Variants in TUT4 observed in about 807,000 individuals in gnomAD.
The protein encoded by TUT4 is terminal uridylyl transferase 4.
In TUT4, 36 loss-of-function variants were observed where a neutral mutation model predicts 192.2. The ratio of observed to expected loss-of-function variants is 0.19; its 90% CI spans 0.14 to 0.25. The LOEUF (loss-of-function observed/expected upper bound fraction) is 0.25. TUT4 is among the 10% of genes least tolerant of loss of function. The pLI, the probability that TUT4 is intolerant of heterozygous loss-of-function variation, is 1.00. For synonymous variants in TUT4, 618 were observed against 666.0 expected (o/e 0.93, Z 1.11); for missense variants, 1,493 against 1,957.2 (o/e 0.76, Z 4.47).
At position 52,520,219 on chromosome 1, in the gene TUT4, A is replaced by G. The variant is rs186787913; in HGVS notation, c.719-4165T>C. Among the ~76,000 whole-genome samples, 4 of 152,314 alleles carry G rather than the reference A, an allele frequency of 2.6e-5. No homozygotes were observed. In the East Asian group the frequency reaches 7.7e-4, roughly 29 times the overall value. ...ACAAATGAGGGCAAGGCAGAGAAAT[A>G]GGGGAGTGTCACAGATCGTGTAAGG... On this transcript the variant is annotated intron_variant, in intron 2 of 29. Transcript: ENST00000257177.
At chr1:52,444,938 TATAC>T (rs1656986426) in intron 24 of TUT4, among the ~76,000 whole-genome samples, 5 of 122,470 alleles carry the variant, frequency 4.1e-5, no homozygotes, top group Non-Finnish European at 4.6e-5. Flanking sequence ...TATATATGTA[TATAC>T]ATGTATGTGT....
chr1:52,475,121 T>A lies in TUT4; in HGVS notation c.2438A>T (p.Asp813Val). The A allele has an allele frequency of 3.7e-6, 6 of 1,614,176 alleles. No homozygotes were observed. The highest frequency in any genetic ancestry group is 4.2e-6 in the Non-Finnish European group (5 of 1,180,026). ...SKSSEIEPKL[D>V]KKQDDLAPSE... ...AGGCGCTAAATCATCTTGTTTCTTA[T>A]CTAATTTTGGCTCTATTTCACTGCT... Residue 813 changes from aspartate (D) to valine (V), a missense_variant, in exon 13 of 30, where the codon GAT becomes GTT. By Grantham distance (152) the Asp-to-Val change is radical. Transcript: ENST00000257177.
At chr1:52,517,039 C>T (rs1460074022) in intron 2 of TUT4, among the ~76,000 whole-genome samples, 1 of 152,244 alleles carries the variant, frequency 6.6e-6, no homozygotes, top group Non-Finnish European at 1.5e-5. Flanking sequence ...AAAGCTGCTT[C>T]AAGTCTCAAT....
At chr1:52,444,217 A>G (rs1399003247) in intron 24 of TUT4, among the ~76,000 whole-genome samples, 1 of 152,172 alleles carries the variant, frequency 6.6e-6, no homozygotes, top group Non-Finnish European at 1.5e-5. Flanking sequence ...CTGGTGACAG[A>G]GCGAGACTCC....
intron 13 of TUT4, among the ~76,000 whole-genome samples, chr1:52,472,737 A>G (rs1666097925): frequency 6.6e-6 from 1 of 152,134 alleles, no homozygotes; most frequent in Admixed American, 6.5e-5. Context: ...ACCATTTTAA[A>G]TGTATTTCAA....
rs568937540 is a variant in TUT4, at chr1:52,525,716, T to C, written c.565A>G (p.Thr189Ala). The part of the protein sequence containing the change: ...QIGKKIPSSF[T>A]SVDKVNIEAV... Reference sequence around the variant, plus strand: ...TCAATATTCACTTTGTCCACAGAAGTAAAGGAGCTTGGAATTTTTTTTCCA... The same window carrying C: ...TCAATATTCACTTTGTCCACAGAAGCAAAGGAGCTTGGAATTTTTTTTCCA... The change falls in exon 2 of 30, where the codon ACT (threonine) becomes GCT (alanine). Residue 189 changes from threonine to alanine, a missense_variant. Transcript: ENST00000257177. 1.9e-6 allele frequency: 3 copies of C among 1,614,048 alleles called. No individual in the cohort carries two copies. Among genetic ancestry groups the C allele is most frequent in the East Asian group, 2.2e-5 (1 of 44,884 alleles).
At chr1:52,439,473 G>A (rs1654853362) in intron 24 of TUT4, among the ~76,000 whole-genome samples, 1 of 152,140 alleles carries the variant, frequency 6.6e-6, no homozygotes, top group African/African-American at 2.4e-5. Flanking sequence ...GCTTAGTTTT[G>A]CACTGTCACG....
chr1:52,528,802 A>T (rs1291779005), intron 1 of TUT4, among the ~76,000 whole-genome samples: 2 of 151,932 alleles, frequency 1.3e-5, no homozygotes, highest in African/African-American at 4.8e-5. Flanking sequence ...GCAGCCTGGA[A>T]CTCCTGGGCT....
chr1:52,516,145 A>C, intron 2 of TUT4, 91 bp from the exon 3 acceptor site: 1 of 997,912 alleles, frequency 1.0e-6, no homozygotes. Context: ...TATACACAGA[A>C]AAAATATTAT....
chr1:52,540,202 G>C (rs1428939734), intron 1 of TUT4, among the ~76,000 whole-genome samples: 10 of 144,934 alleles, frequency 6.9e-5, no homozygotes, highest in African/African-American at 2.1e-4. Context: ...CTGGGTGACA[G>C]AGCGAGACTC....
intron 9 of TUT4, 138 bp downstream of exon 9, chr1:52,488,771 T>C (rs2149057457): frequency 1.1e-6 from 1 of 900,404 alleles, no homozygotes; most frequent in East Asian, 3.1e-5. Flanking sequence ...ACCAACTTTC[T>C]GTCTAGCACA....
chr1:52,426,560 C>CA (rs11434111), intron 28 of TUT4, among the ~76,000 whole-genome samples: 5,588 of 151,522 alleles, frequency 0.037, 366 homozygotes, highest in African/African-American at 0.13. Flanking sequence ...GAGTAGGCAG[C>CA]AAAAAAAACT....
chr1:52,468,626 T>C (rs1664860296), intron 14 of TUT4: 1 of 178,330 alleles, frequency 5.6e-6, no homozygotes, highest in Admixed American at 6.1e-5. Context: ...TGTATTCATG[T>C]TGCTATACTA....
chr1:52,436,869 G>A lies in TUT4; in HGVS notation c.4048C>T (p.Arg1350Ter). The change falls in exon 26 of 30, where the codon CGA becomes TGA. Residue 1350 changes from arginine to a stop codon, truncating the protein, a stop_gained. Coordinates refer to ENST00000257177, the MANE Select transcript of TUT4 (RefSeq NM_001009881.3). LOFTEE classifies it high-confidence loss of function. Reference protein sequence around the residue: ...VLDPRDLHDTRDFRDPRDLRC... With the variant: ...VLDPRDLHDT ...AGGTCTCTCGGGTCTCTAAAGTCTC[G>A]AGTATCGTGGAGGTCTCGGGGGTCA... 6.2e-7 allele frequency: 1 copy of A among 1,613,664 alleles called. No individual in the cohort carries two copies. The highest frequency in any genetic ancestry group is 8.5e-7 in the Non-Finnish European group (1 of 1,179,950).
At chr1:52,441,982 G>GC (rs1655749962) in intron 24 of TUT4, among the ~76,000 whole-genome samples, 1 of 151,776 alleles carries the variant, frequency 6.6e-6, no homozygotes, top group African/African-American at 2.4e-5. Flanking sequence ...AGCCTGGCCA[G>GC]CGTGGTGAAA....
rs748438231 is a variant in TUT4 at position 52,425,406 on chromosome 1, T to C, written c.4813A>G (p.Asn1605Asp). 9.4e-5 allele frequency: 151 copies of C among 1,614,024 alleles called. 3 individuals are homozygous for C. The East Asian group carries it at 3.3e-3, about 35-fold the overall frequency. The change falls in exon 29 of 30, where the codon AAC (asparagine) becomes GAC (aspartate). Residue 1605 changes from asparagine to aspartate, a missense_variant. Asn to Asp is a conservative substitution (Grantham distance 23). Transcript: ENST00000257177. The stretch of plus-strand genomic sequence containing the variant: ...CGGGCATTTCCCTGATGCATGAAGT[T>C]TTGATGCAAACCATAAGGCCACGAA... Reference protein sequence around the residue: ...PASWPYGLHQNFMHQGNARFQ... With the variant: ...PASWPYGLHQDFMHQGNARFQ...
intron 26 of TUT4, among the ~76,000 whole-genome samples, chr1:52,436,434 C>CGA (rs1161774138): frequency 1.3e-5 from 2 of 151,930 alleles, no homozygotes; most frequent in Non-Finnish European, 1.5e-5. Context: ...TGCAGTGAGC[C>CGA]GAGATCGCGC....
At chr1:52,483,268 T>A (rs924626457) in intron 9 of TUT4, among the ~76,000 whole-genome samples, 18 of 152,226 alleles carry the variant, frequency 1.2e-4, no homozygotes, top group Non-Finnish European at 2.2e-4. Context: ...TTTGCCAGTT[T>A]TTCTATTTTC....
At chr1:52,535,955 CAA>C (rs886900609) in intron 1 of TUT4, among the ~76,000 whole-genome samples, 45 of 152,186 alleles carry the variant, frequency 3.0e-4, no homozygotes, top group Middle Eastern at 6.8e-3. Flanking sequence ...TCCAGATAAA[CAA>C]AAAGTGAGAA....
Sources: gnomAD v4.1 joint callset for allele counts (sites outside exome capture counted in the v4.1 genomes callset) on GRCh38, gnomAD v4.1.1 for gene constraint, MANE v1.5 for transcripts, NCBI Gene and HGNC (gene_info 2026-07-23, HGNC 2026-07-21) for gene names.